Variants in ITSN1 observed in about 807,000 individuals in gnomAD.
The protein encoded by ITSN1 is intersectin-1.
A neutral mutation model predicts 239.8 loss-of-function variants in ITSN1; 58 were observed. The ratio of observed to expected loss-of-function variants is 0.24; its 90% CI spans 0.20 to 0.30. The LOEUF (loss-of-function observed/expected upper bound fraction) is 0.30, where lower values mean the gene tolerates loss of function less well. Ranked by LOEUF, ITSN1 falls within the 10% of genes least tolerant of loss-of-function variation. ITSN1 has a pLI of 1.00. For synonymous variants in ITSN1, 780 were observed against 770.8 expected (o/e 1.01, Z -0.20); for missense variants, 1,558 against 2,103.3 (o/e 0.74, Z 5.07).
chr21:33,799,209 C>T (rs2071791660), intron 18 of ITSN1, among the ~76,000 whole-genome samples: 1 of 152,188 alleles, frequency 6.6e-6, no homozygotes, highest in African/African-American at 2.4e-5. Flanking sequence ...AAATTATTTT[C>T]ATCTAGGTTT....
At position 33,831,658 on chromosome 21, in the gene ITSN1, G is replaced by A. The variant is rs545060687; in HGVS notation, c.3351+1913G>A. 1.7e-3 allele frequency among the ~76,000 whole-genome samples: 261 copies of A among 152,168 alleles called. 4 individuals are homozygous for A. Among genetic ancestry groups the A allele is most frequent in the African/African-American group, 6.0e-3 (251 of 41,514 alleles). ...AAGGCCTCGGGTCTCACACAGTCCCGTCTACCACTCTGTGGAAGTGAGCCT... is the reference window on the plus strand; with the variant it reads ...AAGGCCTCGGGTCTCACACAGTCCCATCTACCACTCTGTGGAAGTGAGCCT... On this transcript the variant is annotated intron_variant, in intron 27 of 39. Coordinates refer to ENST00000381318, the MANE Select transcript of ITSN1 (RefSeq NM_003024.3).
At chr21:33,808,455 G>A (rs180777461) in intron 20 of ITSN1, among the ~76,000 whole-genome samples, 103 of 151,980 alleles carry the variant, frequency 6.8e-4, no homozygotes, top group African/African-American at 1.7e-3. Context: ...CGTGGTGGTG[G>A]GCACCTGTAA....
chr21:33,695,613 T>TGTGC (rs2091758331), intron 1 of ITSN1, among the ~76,000 whole-genome samples: 6 of 152,372 alleles, frequency 3.9e-5, no homozygotes, highest in Non-Finnish European at 7.3e-5. Context: ...AATTAGATTA[T>TGTGC]AAACCAAACA....
intron 30 of ITSN1, among the ~76,000 whole-genome samples, chr21:33,857,220 C>G (rs1267909274): frequency 6.6e-6 from 1 of 152,204 alleles, no homozygotes; most frequent in Non-Finnish European, 1.5e-5. Context: ...ACGCCGCCCT[C>G]CTGGCCCGCA....
At chr21:33,691,378 C>T (rs532840877) in intron 1 of ITSN1, among the ~76,000 whole-genome samples, 2 of 152,230 alleles carry the variant, frequency 1.3e-5, no homozygotes, top group African/African-American at 4.8e-5. Context: ...AAGTGTTTTA[C>T]TTATGTTAAA....
At chr21:33,726,145 G>A (rs1055697009) in intron 4 of ITSN1, among the ~76,000 whole-genome samples, 5 of 152,002 alleles carry the variant, frequency 3.3e-5, no homozygotes, top group Non-Finnish European at 7.4e-5. Context: ...AGGTGCCCAC[G>A]ACCATGCCCG....
chr21:33,710,148 G>T (rs1305499108), intron 1 of ITSN1, among the ~76,000 whole-genome samples: 1 of 148,360 alleles, frequency 6.7e-6, no homozygotes, highest in Non-Finnish European at 1.5e-5. Context: ...GCATGATCTC[G>T]GCTCACTGCA....
chr21:33,775,516 G>A (rs1481100078), intron 14 of ITSN1, among the ~76,000 whole-genome samples: 1 of 152,220 alleles, frequency 6.6e-6, no homozygotes, highest in East Asian at 1.9e-4. Flanking sequence ...TTTAACTAAG[G>A]TAGCCAAGAC....
intron 1 of ITSN1, among the ~76,000 whole-genome samples, chr21:33,673,878 A>G (rs1417738723): frequency 6.6e-6 from 1 of 152,252 alleles, no homozygotes; most frequent in Non-Finnish European, 1.5e-5. Flanking sequence ...GAGGTAAACA[A>G]CTATGTTAAT....
intron 11 of ITSN1, 153 bp from the exon 12 acceptor site, chr21:33,771,907 GT>G (rs2069193198): frequency 1.9e-5 from 14 of 752,122 alleles, no homozygotes; most frequent in Non-Finnish European, 2.8e-5. Flanking sequence ...GGCAAAGGGG[GT>G]TTTCGTTGTG....
rs2065460918 is a variant in ITSN1 at position 33,721,179 on chromosome 21, C to T, written c.30C>T (p.Gly10=). Residue 10 remains glycine (G), a splice_region_variant and synonymous_variant, in exon 3 of 40, where the codon GGC becomes GGT. Coordinates refer to ENST00000381318, the MANE Select transcript of ITSN1 (RefSeq NM_003024.3). The stretch of plus-strand genomic sequence containing the variant: ...GTTTGTCTTTTCTTTGGATTTTAGG[C>T]AGCCTGGATATCTGGGCCATAACTG... The part of the protein sequence containing the change: MAQFPTPFG[G]SLDIWAITVE... 5 of 1,609,860 alleles carry T rather than the reference C, an allele frequency of 3.1e-6. No individual in the cohort carries two copies. Among genetic ancestry groups the T allele is most frequent in the Non-Finnish European group, 4.3e-6 (5 of 1,176,304 alleles).
intron 22 of ITSN1, 118 bp from the exon 23 acceptor site, chr21:33,818,149 T>C: frequency 1.3e-6 from 1 of 763,796 alleles, no homozygotes; most frequent in Non-Finnish European, 2.2e-6. Context: ...TCAGGGCCCT[T>C]TGTGGCTGTG....
intron 16 of ITSN1, among the ~76,000 whole-genome samples, chr21:33,784,312 C>A (rs1406151550): frequency 8.6e-5 from 5 of 58,464 alleles, no homozygotes; most frequent in Non-Finnish European, 1.4e-4. Context: ...CTCTACAAAA[C>A]ACACACACAC....
Position 33,891,805 on chromosome 21 carries a change from G to A in ITSN1, c.*3505G>A, listed in dbSNP as rs969784690. On this transcript the variant is annotated 3_prime_UTR_variant, in exon 40 of 40. Coordinates refer to ENST00000381318, the MANE Select transcript of ITSN1 (RefSeq NM_003024.3). ...ATATTTTAGAGTAGGCCAGTACCTT[G>A]TATAAGCAGAAAAAGACTTCTCTAT... The A allele has an allele frequency of 1.3e-5, 2 of 152,204 alleles. No homozygotes were observed. The highest frequency in any genetic ancestry group is 2.1e-4 in the South Asian group (1 of 4,828). The allele number at this position is 152,204 out of a possible 1,614,324, so 9.4% of individuals were successfully genotyped here.
chr21:33,834,583 A>G (rs2074493149), intron 28 of ITSN1, among the ~76,000 whole-genome samples, 159 bp downstream of exon 28: 1 of 152,228 alleles, frequency 6.6e-6, no homozygotes, highest in South Asian at 2.1e-4. Flanking sequence ...GATATGGAAT[A>G]TGTCTTTCAA....
rs1259124176 is a variant in ITSN1 at position 33,885,468 on chromosome 21, A to T, written c.4789A>T (p.Arg1597Trp). The T allele has an allele frequency of 6.2e-7, 1 of 1,614,090 alleles. No homozygotes were observed. The highest frequency in any genetic ancestry group is 1.7e-5 in the Admixed American group (1 of 60,016). ...VRSQRATGIG[R>W]LMVNVVEGIE... ...TTCCCAAAGGGCAACAGGCATTGGA[A>T]GGTTGATGGTGAACGTGGTTGAAGG... The change falls in exon 38 of 40, where the codon AGG becomes TGG. Residue 1597 changes from arginine to tryptophan, a missense_variant. Arg to Trp is a moderately radical substitution (Grantham distance 101, BLOSUM62 -3). This residue lies in a region of ITSN1 where 576 missense variants were observed against 893.3 expected (regional missense o/e 0.64). Coordinates refer to ENST00000381318, the MANE Select transcript of ITSN1 (RefSeq NM_003024.3).
chr21:33,817,922 T>G, intron 22 of ITSN1: 1 of 328,300 alleles, frequency 3.0e-6, no homozygotes, highest in Non-Finnish European at 5.6e-6. Context: ...AATGGGGAGG[T>G]GTCCCGGGCA....
At chr21:33,782,997 C>G (rs1461164792) in intron 16 of ITSN1, among the ~76,000 whole-genome samples, 1 of 151,962 alleles carries the variant, frequency 6.6e-6, no homozygotes, top group African/African-American at 2.4e-5. Context: ...TGCACTCCAG[C>G]CTGGGTGACA....
chr21:33,654,342 C>T (rs147580822), intron 1 of ITSN1, among the ~76,000 whole-genome samples: 53 of 152,068 alleles, frequency 3.5e-4, no homozygotes, highest in Admixed American at 1.1e-3. Flanking sequence ...GGGCATGAAC[C>T]GCTGCACCTG....
Sources: allele counts gnomAD v4.1 joint callset (sites outside exome capture counted in the v4.1 genomes callset), GRCh38; gene constraint gnomAD v4.1.1; regional missense constraint gnomAD v4.1.1; transcripts MANE v1.5; gene names NCBI Gene and HGNC (gene_info 2026-07-23, HGNC 2026-07-21).